PTPRD: variants seen among roughly 807,000 people sequenced by gnomAD.
PTPRD encodes the protein receptor-type tyrosine-protein phosphatase delta.
In PTPRD, 34 loss-of-function variants were observed where a neutral mutation model predicts 214.5. That is an observed-to-expected ratio of 0.16 (90% CI 0.12 to 0.21). PTPRD has a LOEUF of 0.21. Ranked by LOEUF, PTPRD falls within the 10% of genes least tolerant of loss-of-function variation. The pLI is 1.00. For missense variants in PTPRD, 2,545 were observed against 2,398.7 expected (o/e 1.06, Z -1.27); for synonymous variants, 1,128 against 845.7 (o/e 1.33, Z -5.79).
intron 5 of PTPRD, among the ~76,000 whole-genome samples, chr9:9,903,810 G>T (rs1318161666): frequency 6.6e-6 from 1 of 151,918 alleles, no homozygotes; most frequent in Non-Finnish European, 1.5e-5. Context: ...TTAACATGAA[G>T]CACCATCATG....
At chr9:8,854,115 A>G (rs923327663) in intron 11 of PTPRD, among the ~76,000 whole-genome samples, 3 of 151,152 alleles carry the variant, frequency 2.0e-5, no homozygotes, top group Non-Finnish European at 4.5e-5. Context: ...AGTACACTAC[A>G]TAAAACGTAA....
intron 5 of PTPRD, among the ~76,000 whole-genome samples, chr9:9,854,662 G>C (rs965576193): frequency 6.6e-6 from 1 of 151,606 alleles, no homozygotes; most frequent in Non-Finnish European, 1.5e-5. Flanking sequence ...ACTTGTTTTT[G>C]ATTACTTATC....
At chr9:10,538,875 C>T (rs1357129475) in intron 2 of PTPRD, among the ~76,000 whole-genome samples, 1 of 152,042 alleles carries the variant, frequency 6.6e-6, no homozygotes, top group African/African-American at 2.4e-5. Context: ...ATTTTTTAAA[C>T]AAGCTGCTTC....
intron 3 of PTPRD, among the ~76,000 whole-genome samples, chr9:10,150,845 C>T (rs2099055962): frequency 2.6e-5 from 4 of 151,972 alleles, no homozygotes; most frequent in South Asian, 2.1e-4. Context: ...AAAGAACAGT[C>T]AGTCCACAAA....
intron 7 of PTPRD, among the ~76,000 whole-genome samples, chr9:9,599,410 C>G (rs1014518719): frequency 1.3e-5 from 2 of 152,008 alleles, no homozygotes; most frequent in African/African-American, 4.8e-5. Flanking sequence ...AACCAGGAAG[C>G]CTCAAGCACT....
At chr9:9,736,452 T>C (rs1332151682) in intron 6 of PTPRD, among the ~76,000 whole-genome samples, 1 of 152,112 alleles carries the variant, frequency 6.6e-6, no homozygotes, top group East Asian at 1.9e-4. Context: ...GATATGTGGA[T>C]TGTTTCCACT....
chr9:8,317,471 C>G lies in PTPRD; in HGVS notation c.*403G>C, dbSNP rs764891038. The stretch of plus-strand genomic sequence containing the variant: ...GAAGGGGCGATGTCAAAGCAGAGTC[C>G]GTTTCATTGTGAGAAGCCACACCAG... On this transcript the variant is annotated 3_prime_UTR_variant, in exon 46 of 46. Coordinates refer to ENST00000381196, the MANE Select transcript of PTPRD (RefSeq NM_002839.4). 8.3e-6 allele frequency: 2 copies of G among 242,252 alleles called. No individual in the cohort carries two copies. The highest frequency in any genetic ancestry group is 4.4e-5 in the African/African-American group (2 of 45,396). 15.0% of individuals were successfully genotyped at this position (242,252 alleles called of 1,614,324 possible). A position where few individuals can be genotyped will look rare whatever the true frequency, so the allele number is the denominator to read the frequency against.
chr9:9,605,603 T>C (rs1253739815), intron 7 of PTPRD, among the ~76,000 whole-genome samples: 1 of 152,080 alleles, frequency 6.6e-6, no homozygotes, highest in Non-Finnish European at 1.5e-5. Flanking sequence ...AGATGTATCA[T>C]TATGCAAATT....
intron 10 of PTPRD, among the ~76,000 whole-genome samples, chr9:9,061,462 G>T (rs761087885): frequency 6.8e-4 from 104 of 152,080 alleles, no homozygotes; most frequent in Non-Finnish European, 4.4e-5. Context: ...AATATATTAT[G>T]ATTCTTTAGC....
intron 3 of PTPRD, among the ~76,000 whole-genome samples, chr9:10,087,336 C>A (rs747411752): frequency 2.0e-5 from 3 of 151,530 alleles, no homozygotes; most frequent in Non-Finnish European, 4.4e-5. Flanking sequence ...CAATTTTAAG[C>A]CACTAAAATT....
chr9:8,711,108 ATAAT>A (rs902533140), intron 12 of PTPRD, among the ~76,000 whole-genome samples: 2 of 152,030 alleles, frequency 1.3e-5, no homozygotes, highest in Non-Finnish European at 2.9e-5. Flanking sequence ...ATAACTCAAC[ATAAT>A]TAATTAACTG....
chr9:9,468,758 T>G (rs1008519337), intron 8 of PTPRD, among the ~76,000 whole-genome samples: 5 of 152,164 alleles, frequency 3.3e-5, no homozygotes, highest in Non-Finnish European at 4.4e-5. Context: ...AAAAATGGTT[T>G]GGTTATATTT....
chr9:8,327,803 TAA>T (rs1338850088), intron 44 of PTPRD, among the ~76,000 whole-genome samples: 1 of 152,212 alleles, frequency 6.6e-6, no homozygotes, highest in Non-Finnish European at 1.5e-5. Context: ...TTTGTTGGTT[TAA>T]AGTCCGTTTT....
At chr9:10,318,743 T>C (rs1286127149) in intron 3 of PTPRD, among the ~76,000 whole-genome samples, 3 of 152,020 alleles carry the variant, frequency 2.0e-5, no homozygotes, top group Admixed American at 6.6e-5. Flanking sequence ...TCCAGAGTAG[T>C]TGGGGCTAGG....
At chr9:8,830,943 A>C (rs1369961638) in intron 11 of PTPRD, among the ~76,000 whole-genome samples, 1 of 152,194 alleles carries the variant, frequency 6.6e-6, no homozygotes, top group Admixed American at 6.6e-5. Context: ...ATCAGCATTT[A>C]GTATGAAGTT....
intron 10 of PTPRD, among the ~76,000 whole-genome samples, chr9:9,138,793 A>AT (rs943952783): frequency 2.0e-5 from 3 of 152,086 alleles, no homozygotes; most frequent in African/African-American, 2.4e-5. Flanking sequence ...ATTAATAAGC[A>AT]TTTTTTTGAT....
At chr9:9,099,494 T>C (rs1239438076) in intron 10 of PTPRD, among the ~76,000 whole-genome samples, 1 of 152,146 alleles carries the variant, frequency 6.6e-6, no homozygotes, top group Non-Finnish European at 1.5e-5. Context: ...CCTGCCTGGG[T>C]GTGTTGCAGG....
chr9:8,864,118 G>C (rs118042273), intron 11 of PTPRD, among the ~76,000 whole-genome samples: 1 of 152,194 alleles, frequency 6.6e-6, no homozygotes, highest in Non-Finnish European at 1.5e-5. Flanking sequence ...ATAGTTGTGA[G>C]GAGGATTCTT....
chr9:9,939,287 A>G (rs1388605118), intron 4 of PTPRD, among the ~76,000 whole-genome samples: 1 of 152,180 alleles, frequency 6.6e-6, no homozygotes, highest in African/African-American at 2.4e-5. Context: ...GCACACAAAT[A>G]GAGCTACTGA....
Sources: gnomAD v4.1 joint callset for allele counts (sites outside exome capture counted in the v4.1 genomes callset) on GRCh38, gnomAD v4.1.1 for gene constraint, MANE v1.5 for transcripts, NCBI Gene and HGNC (gene_info 2026-07-23, HGNC 2026-07-21) for gene names.